Variants in CHCHD6 observed in about 807,000 individuals in gnomAD.
CHCHD6 encodes the protein MICOS complex subunit MIC25.
A neutral mutation model predicts 32.3 loss-of-function variants in CHCHD6; 28 were observed. The ratio of observed to expected loss-of-function variants is 0.87; its 90% CI spans 0.64 to 1.19. The LOEUF (loss-of-function observed/expected upper bound fraction) is 1.19, where lower values mean the gene tolerates loss of function less well. CHCHD6 is among the 50% of genes most tolerant of loss of function. The probability of loss-of-function intolerance (pLI) is 0.00; values close to 1 mark genes in which losing one functional copy is unlikely to be tolerated. For missense variants in CHCHD6, 333 were observed against 307.0 expected (o/e 1.08, Z -0.63); for synonymous variants, 122 against 117.5 (o/e 1.04, Z -0.25).
chr3:126,753,586 G>T (rs1160266249), intron 4 of CHCHD6, among the ~76,000 whole-genome samples: 1 of 152,238 alleles, frequency 6.6e-6, no homozygotes, highest in Non-Finnish European at 1.5e-5. Flanking sequence ...ACCTTGGCTA[G>T]CATTCTCTTC....
intron 4 of CHCHD6, among the ~76,000 whole-genome samples, chr3:126,842,741 C>T (rs149650953): frequency 0.018 from 2,729 of 151,810 alleles, 29 homozygotes; most frequent in Middle Eastern, 0.051. Context: ...TTTATCTTAG[C>T]CCACAAATTA....
chr3:126,739,289 C>T (rs957433281), intron 4 of CHCHD6, among the ~76,000 whole-genome samples: 1 of 152,162 alleles, frequency 6.6e-6, no homozygotes, highest in Non-Finnish European at 1.5e-5. Flanking sequence ...CTATAAAGAG[C>T]CAGATAGTAA....
chr3:126,946,614 G>A (rs996576773), intron 6 of CHCHD6, among the ~76,000 whole-genome samples: 1 of 151,888 alleles, frequency 6.6e-6, no homozygotes, highest in Non-Finnish European at 1.5e-5. Context: ...CGTGTTGATC[G>A]ATGGCAGGAC....
intron 6 of CHCHD6, among the ~76,000 whole-genome samples, chr3:126,919,192 A>G (rs556250629): frequency 2.6e-5 from 4 of 151,784 alleles, no homozygotes; most frequent in Admixed American, 2.6e-4. Flanking sequence ...AGTGTTCTGT[A>G]TTGTCAATTA....
At chr3:126,854,115 A>G (rs958916776) in intron 5 of CHCHD6, among the ~76,000 whole-genome samples, 6 of 152,016 alleles carry the variant, frequency 3.9e-5, no homozygotes, top group African/African-American at 9.7e-5. Flanking sequence ...CTCCCCTCTC[A>G]TCTCTACCCT....
intron 5 of CHCHD6, among the ~76,000 whole-genome samples, chr3:126,873,006 A>T (rs2077496546): frequency 6.6e-6 from 1 of 152,208 alleles, no homozygotes; most frequent in African/African-American, 2.4e-5. Context: ...ACTGTGCAGG[A>T]TATCTACAGT....
chr3:126,914,522 C>A (rs757880468), intron 5 of CHCHD6, among the ~76,000 whole-genome samples, 158 bp from the exon 6 acceptor site: 2 of 152,182 alleles, frequency 1.3e-5, no homozygotes, highest in Non-Finnish European at 2.9e-5. Flanking sequence ...AGCAGCCATG[C>A]GTGGTGGAGC....
At position 126,790,550 on chromosome 3, in the gene CHCHD6, C is replaced by T. The variant is rs1185323886; in HGVS notation, c.411+57328C>T. Among the ~76,000 whole-genome samples the T allele has an allele frequency of 2.6e-5, 4 of 152,184 alleles. No individual in the cohort carries two copies. The East Asian group carries it at 7.7e-4, about 29-fold the overall frequency. Reference sequence around the variant, plus strand: ...TTTACTCTTTTTTCTTTAAACTTCTCTTCTCGCTTCATTTCATTCATTTGA... The same window carrying T: ...TTTACTCTTTTTTCTTTAAACTTCTTTTCTCGCTTCATTTCATTCATTTGA... On this transcript the variant is annotated intron_variant, in intron 4 of 7. Transcript: ENST00000290913.
intron 1 of CHCHD6, among the ~76,000 whole-genome samples, chr3:126,725,400 A>G (rs1935484930): frequency 6.6e-6 from 1 of 152,232 alleles, no homozygotes; most frequent in Non-Finnish European, 1.5e-5. Flanking sequence ...TAAAGTATTC[A>G]GTAAAACATG....
intron 2 of CHCHD6, among the ~76,000 whole-genome samples, chr3:126,727,565 ACAGG>A (rs1935593492): frequency 6.6e-6 from 1 of 152,214 alleles, no homozygotes; most frequent in Non-Finnish European, 1.5e-5. Flanking sequence ...ATTCACGTGA[ACAGG>A]GCCAAGTATA....
intron 4 of CHCHD6, among the ~76,000 whole-genome samples, chr3:126,742,649 T>C (rs1330642933): frequency 6.6e-6 from 1 of 151,972 alleles, no homozygotes; most frequent in African/African-American, 2.4e-5. Flanking sequence ...GGCAACTTTG[T>C]AGGAAAAGGA....
At chr3:126,919,317 CTTTT>C (rs756862821) in intron 6 of CHCHD6, among the ~76,000 whole-genome samples, 1 of 68,126 alleles carries the variant, frequency 1.5e-5, no homozygotes, top group Admixed American at 1.4e-4. Context: ...TTTCTTTTTT[CTTTT>C]TTTTTTTTTT....
rs573905581 is a variant in CHCHD6 at position 126,906,636 on chromosome 3, TC to T, written c.496-8041del. Among the ~76,000 whole-genome samples the T allele has an allele frequency of 7.2e-3, 1,101 of 152,336 alleles. 7 individuals are homozygous for T. The highest frequency in any genetic ancestry group is 0.012 in the Non-Finnish European group (809 of 68,020). ...CCGGGGGTCGGGGAGGGATGAGCCT[TC>T]CCTAGCCAGTCATTTACAACAATAC... is the stretch of plus-strand genomic sequence containing the variant. On this transcript the variant is annotated intron_variant, in intron 5 of 7. Transcript: ENST00000290913.
chr3:126,786,780 T>C (rs929721129), intron 4 of CHCHD6, among the ~76,000 whole-genome samples: 30 of 152,254 alleles, frequency 2.0e-4, no homozygotes, highest in African/African-American at 7.2e-4. Context: ...AGGTTGTCTG[T>C]TCACTCTGAT....
intron 4 of CHCHD6, among the ~76,000 whole-genome samples, chr3:126,753,534 TA>T (rs1936820891): frequency 6.6e-6 from 1 of 152,352 alleles, no homozygotes; most frequent in Admixed American, 6.5e-5. Flanking sequence ...GGGGCCTCTG[TA>T]GAAGTGGCAT....
In CHCHD6 at chr3:126,957,831, G is replaced by A. The variant is rs890504361; in HGVS notation, c.702+280G>A. On this transcript the variant is annotated intron_variant, in intron 7 of 7. Coordinates refer to ENST00000290913, the MANE Select transcript of CHCHD6 (RefSeq NM_032343.3). ...GTGGGAGCAGGCTGGGTAAAGTCAG[G>A]CCCCACCTTCAAGGGCCGGGCCCCT... 8 of 528,128 alleles carry A rather than the reference G, an allele frequency of 1.5e-5. No homozygotes were observed. The East Asian group carries it at 1.7e-4, about 11-fold the overall frequency. 32.7% of individuals were successfully genotyped at this position (528,128 alleles called of 1,614,324 possible).
intron 1 of CHCHD6, among the ~76,000 whole-genome samples, chr3:126,713,370 T>G (rs1480346233): frequency 1.3e-5 from 2 of 152,176 alleles, no homozygotes; most frequent in African/African-American, 4.8e-5. Flanking sequence ...TCACATCCTT[T>G]CATGTCTCCC....
intron 1 of CHCHD6, among the ~76,000 whole-genome samples, chr3:126,718,574 T>G (rs918526982): frequency 3.9e-5 from 6 of 152,216 alleles, no homozygotes; most frequent in Non-Finnish European, 7.3e-5. Context: ...AGGCCAGCCT[T>G]GAGGGAGGCT....
intron 4 of CHCHD6, among the ~76,000 whole-genome samples, chr3:126,764,179 A>G (rs1365118273): frequency 7.5e-6 from 1 of 133,930 alleles, no homozygotes; most frequent in Non-Finnish European, 1.5e-5. Flanking sequence ...ACATATATAC[A>G]CATACATACA....
Sources: gnomAD v4.1 joint callset for allele counts (sites outside exome capture counted in the v4.1 genomes callset) on GRCh38, gnomAD v4.1.1 for gene constraint, MANE v1.5 for transcripts, NCBI Gene and HGNC (gene_info 2026-07-23, HGNC 2026-07-21) for gene names.